The following CDH18 variants were observed in gnomAD, a reference collection of about 807,000 sequenced individuals.
The protein encoded by CDH18 is cadherin-18.
Under a neutral mutation model 67.9 loss-of-function variants are expected in CDH18, and 31 were observed. That is an observed-to-expected ratio of 0.46 (90% CI 0.34 to 0.62). CDH18 has a LOEUF of 0.62. Ranked by LOEUF, CDH18 falls within the 20% of genes least tolerant of loss-of-function variation. The pLI is 0.01. For missense variants in CDH18, 890 were observed against 975.5 expected (o/e 0.91, Z 1.17); for synonymous variants, 362 against 347.2 (o/e 1.04, Z -0.48).
intron 2 of CDH18, among the ~76,000 whole-genome samples, chr5:19,962,863 CATTT>C (rs1476667323): frequency 1.3e-5 from 2 of 152,092 alleles, no homozygotes; most frequent in Non-Finnish European, 2.9e-5. Context: ...ATGCATAATT[CATTT>C]AAGATGATAC....
At chr5:20,312,655 C>T (rs1486566994) in intron 1 of CDH18, among the ~76,000 whole-genome samples, 1 of 152,076 alleles carries the variant, frequency 6.6e-6, no homozygotes, top group Non-Finnish European at 1.5e-5. Flanking sequence ...CATGTCAAAG[C>T]CAAAGTCTTC....
chr5:19,495,826 G>A (rs963593401), intron 11 of CDH18, among the ~76,000 whole-genome samples: 1 of 151,332 alleles, frequency 6.6e-6, no homozygotes, highest in Non-Finnish European at 1.5e-5. Context: ...TAATATTCTA[G>A]AGAAGAAGCA....
intron 2 of CDH18, among the ~76,000 whole-genome samples, chr5:20,027,351 A>G (rs1476639344): frequency 6.6e-6 from 1 of 152,222 alleles, no homozygotes; most frequent in Non-Finnish European, 1.5e-5. Flanking sequence ...ACATACATAT[A>G]TAGTCTGCTG....
At chr5:20,436,310 C>T (rs1008068815) in intron 1 of CDH18, among the ~76,000 whole-genome samples, 11 of 151,940 alleles carry the variant, frequency 7.2e-5, no homozygotes, top group African/African-American at 2.7e-4. Flanking sequence ...TTCCTGTCCA[C>T]ACTTTAAAGT....
chr5:19,657,392 A>G (rs1756547886), intron 5 of CDH18, among the ~76,000 whole-genome samples: 1 of 152,144 alleles, frequency 6.6e-6, no homozygotes, highest in Non-Finnish European at 1.5e-5. Context: ...TAAATCACAC[A>G]ATCCAAATTC....
chr5:19,523,401 T>C (rs998395225), intron 9 of CDH18, among the ~76,000 whole-genome samples: 1 of 152,106 alleles, frequency 6.6e-6, no homozygotes, highest in African/African-American at 2.4e-5. Flanking sequence ...GGAAAAAAAT[T>C]ACAATTTGGG....
chr5:20,003,754 C>T (rs1736643257), intron 2 of CDH18, among the ~76,000 whole-genome samples: 1 of 152,032 alleles, frequency 6.6e-6, no homozygotes, highest in Non-Finnish European at 1.5e-5. Context: ...AAAAATTAGC[C>T]GGGCGTGGTG....
chr5:19,728,562 C>T (rs1192284659), intron 4 of CDH18, among the ~76,000 whole-genome samples: 1 of 152,128 alleles, frequency 6.6e-6, no homozygotes, highest in East Asian at 1.9e-4. Context: ...GCTTTATAAA[C>T]AGCACGTATT....
At chr5:20,090,335 G>T (rs1294379726) in intron 2 of CDH18, among the ~76,000 whole-genome samples, 11 of 152,074 alleles carry the variant, frequency 7.2e-5, no homozygotes, top group Admixed American at 7.2e-4. Context: ...AGGAGTTCAA[G>T]ACCAGCTTGA....
intron 5 of CDH18, among the ~76,000 whole-genome samples, chr5:19,688,437 T>C (rs1055607284): frequency 3.3e-5 from 5 of 152,124 alleles, no homozygotes; most frequent in African/African-American, 1.2e-4. Flanking sequence ...TTGCTGTTCT[T>C]TACAGCTGAA....
chr5:19,521,812 G>T (rs1441141144), intron 9 of CDH18, among the ~76,000 whole-genome samples: 2 of 151,914 alleles, frequency 1.3e-5, no homozygotes, highest in Non-Finnish European at 2.9e-5. Context: ...AAAAAAATTT[G>T]TCCCAGATTT....
intron 1 of CDH18, among the ~76,000 whole-genome samples, chr5:20,378,321 A>G (rs1057052991): frequency 5.9e-5 from 9 of 151,928 alleles, no homozygotes; most frequent in East Asian, 3.9e-4. Flanking sequence ...ACAGGCACCC[A>G]CCACCACGCC....
rs529670244 is a variant in CDH18, at chr5:20,011,221, G to A, written c.-517-19207C>T. Reference sequence around the variant, plus strand: ...GTATATTATTCTATTTGTGGCAATTGTGAATGGGAATTCATTTGTGATTTG... The same window carrying A: ...GTATATTATTCTATTTGTGGCAATTATGAATGGGAATTCATTTGTGATTTG... On this transcript the variant is annotated intron_variant, in intron 2 of 14. Coordinates refer to the CDH18 transcript ENST00000507958. Among the ~76,000 whole-genome samples, 5 of 152,256 alleles carry A rather than the reference G, an allele frequency of 3.3e-5. No individual in the cohort carries two copies. The South Asian group carries it at 1.0e-3, about 32-fold the overall frequency.
chr5:19,697,878 A>G lies in CDH18; in HGVS notation c.643+23469T>C, dbSNP rs569914902. On this transcript the variant is annotated intron_variant, in intron 5 of 12. Coordinates refer to ENST00000382275, the MANE Select transcript of CDH18 (RefSeq NM_004934.5). The stretch of plus-strand genomic sequence containing the variant: ...AGTGCCTGCCCAGGGATCCACCTCT[A>G]TCCTCTTCAGATGAACATGGGCTTT... Among the ~76,000 whole-genome samples, 9 of 152,262 alleles carry G rather than the reference A, an allele frequency of 5.9e-5. 1 individual carries two copies. The South Asian group carries it at 1.2e-3, about 21-fold the overall frequency.
chr5:19,651,821 C>G (rs1755622768), intron 5 of CDH18, among the ~76,000 whole-genome samples: 1 of 152,058 alleles, frequency 6.6e-6, no homozygotes, highest in Non-Finnish European at 1.5e-5. Flanking sequence ...ACTGCAAAAA[C>G]TTAAGAATCA....
chr5:20,200,434 GA>G (rs1445682370), intron 2 of CDH18, among the ~76,000 whole-genome samples: 1 of 152,174 alleles, frequency 6.6e-6, no homozygotes, highest in African/African-American at 2.4e-5. Context: ...AAGACTTTGG[GA>G]AGTCAAGGCA....
At position 19,679,567 on chromosome 5, in the gene CDH18, C is replaced by T. The variant is rs1759974498; in HGVS notation, c.643+41780G>A. ...TACCTAAAAATCCCTAAAGACTCCA[C>T]CAAAAGGCTCCTAGAACTGATATAT... On this transcript the variant is annotated intron_variant, in intron 5 of 12. Transcript: ENST00000382275. Among the ~76,000 whole-genome samples the T allele has an allele frequency of 2.6e-5, 4 of 151,946 alleles. No homozygotes were observed. In the South Asian group the frequency reaches 8.3e-4, roughly 31 times the overall value.
At chr5:20,568,939 C>A (rs1011310934) in intron 1 of CDH18, among the ~76,000 whole-genome samples, 1 of 152,164 alleles carries the variant, frequency 6.6e-6, no homozygotes, top group Non-Finnish European at 1.5e-5. Context: ...CCTTAAAGAG[C>A]TTTCTCTCAC....
chr5:19,489,391 G>A (rs1740954985), intron 11 of CDH18, among the ~76,000 whole-genome samples: 1 of 151,816 alleles, frequency 6.6e-6, no homozygotes, highest in East Asian at 1.9e-4. Context: ...GGGACTACAG[G>A]CGCCCGCCAC....
Sources: gnomAD v4.1 joint callset for allele counts (sites outside exome capture counted in the v4.1 genomes callset) on GRCh38, gnomAD v4.1.1 for gene constraint, MANE v1.5 for transcripts, NCBI Gene and HGNC (gene_info 2026-07-23, HGNC 2026-07-21) for gene names.